Variants in STARD13 observed in about 807,000 individuals in gnomAD.
STARD13 encodes the protein StAR related lipid transfer domain containing 13.
In STARD13, 62 loss-of-function variants were observed where a neutral mutation model predicts 106.4. The ratio of observed to expected loss-of-function variants is 0.58; its 90% CI spans 0.48 to 0.72. The LOEUF (loss-of-function observed/expected upper bound fraction) is 0.72, where lower values mean the gene tolerates loss of function less well. STARD13 is among the 30% of genes least tolerant of loss of function. STARD13 has a pLI of 0.00. For missense variants in STARD13, 1,387 were observed against 1,424.0 expected, an observed-to-expected ratio of 0.97 and a Z score of 0.42; for synonymous variants, 565 against 553.0, an observed-to-expected ratio of 1.02 and a Z score of -0.31.
intron 1 of STARD13, among the ~76,000 whole-genome samples, chr13:33,324,728 AG>A (rs1893678013): frequency 6.6e-6 from 1 of 152,184 alleles, no homozygotes; most frequent in Non-Finnish European, 1.5e-5. Flanking sequence ...ATGTTTTTGA[AG>A]GACTATAATA....
At chr13:33,543,482 A>C in the STARD13 span, among the ~76,000 whole-genome samples, 1 of 151,030 alleles carries the variant, frequency 6.6e-6, no homozygotes, top group Admixed American at 6.6e-5. Flanking sequence ...TCCTTTAATA[A>C]TGTTCTTTTT....
the STARD13 span, among the ~76,000 whole-genome samples, chr13:33,647,489 C>T: frequency 3.1e-3 from 471 of 152,308 alleles, 1 homozygote; most frequent in African/African-American, 0.011. Context: ...CTCCCTGCTC[C>T]TTATCTCAAA....
intron 1 of STARD13, chr13:33,279,798 C>A (rs1036611211): frequency 1.3e-5 from 2 of 152,186 alleles, no homozygotes; most frequent in African/African-American, 4.8e-5. Context: ...TTTAGTTTTA[C>A]TATGTAGTAA....
At chr13:33,119,653 TTTTG>T (rs1875962762) in intron 7 of STARD13, among the ~76,000 whole-genome samples, 2 of 152,352 alleles carry the variant, frequency 1.3e-5, no homozygotes, top group African/African-American at 2.4e-5. Context: ...CACTGCTACT[TTTTG>T]TGGCCATAAA....
chr13:33,627,545 G>A, the STARD13 span, among the ~76,000 whole-genome samples: 2,002 of 151,916 alleles, frequency 0.013, 41 homozygotes, highest in African/African-American at 0.046. Flanking sequence ...GCTGAGCCAG[G>A]AGAATCACTC....
In STARD13 at chr13:33,109,903, G is replaced by T. The variant is rs377530803; in HGVS notation, c.3017C>A (p.Pro1006His). ...IYQYVLNSMA[P>H]HPSRDFVVLR... Reference sequence around the variant, plus strand: ...AACCACAAAGTCTCTGGAAGGATGGGGAGCCATGCTGTTCAGCACATACTG... The same window carrying T: ...AACCACAAAGTCTCTGGAAGGATGGTGAGCCATGCTGTTCAGCACATACTG... The change falls in exon 12 of 14, where the codon CCC becomes CAC. Residue 1006 changes from proline to histidine, a missense_variant. Physicochemically the swap from Pro to His is moderately conservative, Grantham distance 77. Transcript: ENST00000336934. 5.8e-5 allele frequency: 93 copies of T among 1,614,242 alleles called. No homozygotes were observed. The African/African-American group carries it at 6.4e-4, about 11-fold the overall frequency.
At chr13:33,530,406 G>T in the STARD13 span, among the ~76,000 whole-genome samples, 4 of 152,106 alleles carry the variant, frequency 2.6e-5, 1 homozygote, top group Admixed American at 1.3e-4. Flanking sequence ...TCACTGAGAT[G>T]CATCTTTATG....
chr13:33,585,376 T>C, the STARD13 span, among the ~76,000 whole-genome samples: 1 of 152,184 alleles, frequency 6.6e-6, no homozygotes, highest in Non-Finnish European at 1.5e-5. Flanking sequence ...TGGAAATAAA[T>C]GTCTATTGAC....
At chr13:33,537,140 C>T in the STARD13 span, among the ~76,000 whole-genome samples, 31 of 152,166 alleles carry the variant, frequency 2.0e-4, no homozygotes, top group Non-Finnish European at 3.5e-4. Flanking sequence ...GTTCTGAGCA[C>T]GGCTTTCAAT....
chr13:33,498,043 T>C, the STARD13 span, among the ~76,000 whole-genome samples: 3 of 152,154 alleles, frequency 2.0e-5, no homozygotes, highest in African/African-American at 4.8e-5. Context: ...TAGTGGCTAA[T>C]AAAAAAGAGC....
At chr13:33,495,966 T>C in the STARD13 span, among the ~76,000 whole-genome samples, 2 of 142,546 alleles carry the variant, frequency 1.4e-5, no homozygotes, top group Non-Finnish European at 3.0e-5. Flanking sequence ...ATATAGTTAA[T>C]ATATAATTAT....
intron 7 of STARD13, among the ~76,000 whole-genome samples, chr13:33,125,347 T>A (rs942424307): frequency 6.6e-6 from 1 of 152,232 alleles, no homozygotes; most frequent in African/African-American, 2.4e-5. Flanking sequence ...ACAACTTTTA[T>A]TTTGGACAGA....
At chr13:33,240,819 T>C (rs996497790) in intron 1 of STARD13, among the ~76,000 whole-genome samples, 2 of 152,152 alleles carry the variant, frequency 1.3e-5, no homozygotes, top group Non-Finnish European at 2.9e-5. Context: ...TTATTTCCTT[T>C]TGATAGTACT....
At chr13:33,163,446 C>T (rs894779895) in intron 3 of STARD13, among the ~76,000 whole-genome samples, 1 of 151,032 alleles carries the variant, frequency 6.6e-6, no homozygotes, top group African/African-American at 2.4e-5. Context: ...CAAAATTAGC[C>T]AGGTGTGGTG....
At chr13:33,538,725 T>C in the STARD13 span, among the ~76,000 whole-genome samples, 3 of 150,940 alleles carry the variant, frequency 2.0e-5, no homozygotes, top group African/African-American at 7.3e-5. Flanking sequence ...GGAAACAAGA[T>C]CCACAGATGA....
intron 1 of STARD13, chr13:33,186,209 A>C: frequency 3.2e-6 from 2 of 631,150 alleles, no homozygotes; most frequent in East Asian, 5.7e-5. Context: ...AAAGATTTGC[A>C]TCACAGCCTT....
chr13:33,110,955 G>A lies in STARD13; in HGVS notation c.2608-48C>T, dbSNP rs376923524. The A allele has an allele frequency of 4.2e-5, 64 of 1,533,476 alleles. No individual in the cohort carries two copies. The African/African-American group carries it at 6.0e-4, about 14-fold the overall frequency. The allele number at this position is 1,533,476 out of a possible 1,614,324, so 95.0% of individuals were successfully genotyped here. ...GGGCAACACACTGAGCCAAAGAAAC[G>A]CCGAGACTCAAAGAAAGCAAAGCCA... On this transcript the variant is annotated intron_variant, in intron 10 of 13. Transcript: ENST00000336934.
intron 1 of STARD13, among the ~76,000 whole-genome samples, chr13:33,221,658 C>A (rs989996517): frequency 6.6e-6 from 1 of 152,098 alleles, no homozygotes. Context: ...ACTTGTGGAT[C>A]CCAGTGCAAA....
At chr13:33,423,610 T>C in the STARD13 span, among the ~76,000 whole-genome samples, 1 of 152,184 alleles carries the variant, frequency 6.6e-6, no homozygotes, top group Non-Finnish European at 1.5e-5. Context: ...ACCCAAAGGA[T>C]TATAAATCAT....
Sources: gnomAD v4.1 joint callset for allele counts (sites outside exome capture counted in the v4.1 genomes callset) on GRCh38, gnomAD v4.1.1 for gene constraint, MANE v1.5 for transcripts, NCBI Gene and HGNC (gene_info 2026-07-23, HGNC 2026-07-21) for gene names.